FHIT: variants seen among roughly 807,000 people sequenced by gnomAD.
FHIT encodes fragile histidine triad diadenosine triphosphatase.
A neutral mutation model predicts 17.9 loss-of-function variants in FHIT; 19 were observed. The ratio of observed to expected loss-of-function variants is 1.06; its 90% confidence interval spans 0.74 to 1.56. The LOEUF is 1.56. FHIT is among the 40% of genes most tolerant of loss of function. The pLI is 0.00. For synonymous variants in FHIT, 81 were observed against 69.7 expected (o/e 1.16, Z -0.81); for missense variants, 248 against 189.2 (o/e 1.31, Z -1.82).
At position 60,529,583 on chromosome 3, in the gene FHIT, G is replaced by A. The variant is rs541662970; in HGVS notation, c.103+7277C>T. Reference sequence around the variant, plus strand: ...TCTAATTATATTCCTTAGCAAGTGCGATGCCTGCAACACCATGACCAGTCT... The same window carrying A: ...TCTAATTATATTCCTTAGCAAGTGCAATGCCTGCAACACCATGACCAGTCT... On this transcript the variant is annotated intron_variant, in intron 5 of 9. Coordinates refer to ENST00000492590, the MANE Select transcript of FHIT (RefSeq NM_002012.4). Among the ~76,000 whole-genome samples, 755 of 152,160 alleles carry A rather than the reference G, an allele frequency of 5.0e-3. 7 individuals are homozygous for A. Among genetic ancestry groups the A allele is most frequent in the Non-Finnish European group, 7.7e-3 (522 of 67,996 alleles).
intron 4 of FHIT, among the ~76,000 whole-genome samples, chr3:60,585,371 A>G (rs1576925277): frequency 6.6e-6 from 1 of 152,030 alleles, no homozygotes; most frequent in Non-Finnish European, 1.5e-5. Flanking sequence ...ATTTTGTTAG[A>G]GTTTACTGAA....
At chr3:60,391,422 A>G (rs1445258119) in intron 5 of FHIT, among the ~76,000 whole-genome samples, 1 of 152,148 alleles carries the variant, frequency 6.6e-6, no homozygotes, top group East Asian at 1.9e-4. Flanking sequence ...GCCTAAGTGT[A>G]TCATGTTTAT....
At chr3:60,947,798 G>C (rs1553776094) in intron 3 of FHIT, among the ~76,000 whole-genome samples, 1 of 152,116 alleles carries the variant, frequency 6.6e-6, no homozygotes, top group Non-Finnish European at 1.5e-5. Flanking sequence ...CTCAACAGAA[G>C]AATTCCAACT....
intron 4 of FHIT, among the ~76,000 whole-genome samples, chr3:60,608,659 TC>T (rs1475976595): frequency 6.6e-6 from 1 of 152,044 alleles, no homozygotes; most frequent in Non-Finnish European, 1.5e-5. Context: ...TACTGCAAGG[TC>T]CCCCTTCATC....
At chr3:60,713,492 G>T (rs1260978079) in intron 4 of FHIT, among the ~76,000 whole-genome samples, 3 of 149,622 alleles carry the variant, frequency 2.0e-5, no homozygotes, top group Non-Finnish European at 3.0e-5. Flanking sequence ...TCCAGGAGCT[G>T]GTTTTTTGAA....
intron 2 of FHIT, among the ~76,000 whole-genome samples, chr3:61,090,344 TG>T (rs1340276326): frequency 1.3e-5 from 2 of 152,212 alleles, no homozygotes; most frequent in Non-Finnish European, 2.9e-5. Context: ...AAGTTGCTTT[TG>T]TTGTTCATTT....
At chr3:61,050,758 G>A (rs1259253084) in intron 2 of FHIT, among the ~76,000 whole-genome samples, 2 of 152,172 alleles carry the variant, frequency 1.3e-5, no homozygotes, top group African/African-American at 4.8e-5. Flanking sequence ...TTCTACATTT[G>A]TGTATATTTG....
intron 1 of FHIT, among the ~76,000 whole-genome samples, chr3:61,236,749 G>C (rs1249059574): frequency 1.3e-5 from 2 of 152,212 alleles, no homozygotes; most frequent in Admixed American, 1.3e-4. Flanking sequence ...TGTGAAAGCA[G>C]GAAGGGAAAG....
chr3:60,896,246 T>C (rs1705815314), intron 3 of FHIT, among the ~76,000 whole-genome samples: 1 of 152,142 alleles, frequency 6.6e-6, no homozygotes, highest in Non-Finnish European at 1.5e-5. Context: ...GGGACCACTG[T>C]TCTAAGGGCC....
intron 8 of FHIT, among the ~76,000 whole-genome samples, chr3:59,908,926 T>C (rs1292015839): frequency 6.6e-6 from 1 of 151,362 alleles, no homozygotes; most frequent in East Asian, 1.9e-4. Flanking sequence ...ACAGCAAGAG[T>C]TGACTTGGTG....
chr3:60,732,589 G>A, intron 4 of FHIT: 1 of 577,904 alleles, frequency 1.7e-6, no homozygotes, highest in Non-Finnish European at 3.4e-6. Context: ...CGCGGCCCAA[G>A]GGCTCCGTGT....
intron 5 of FHIT, among the ~76,000 whole-genome samples, chr3:60,350,695 T>C (rs1423956374): frequency 6.6e-6 from 1 of 152,060 alleles, no homozygotes; most frequent in East Asian, 1.9e-4. Context: ...CCAAAACCTA[T>C]TTTTTTCTTT....
intron 8 of FHIT, among the ~76,000 whole-genome samples, chr3:59,856,284 C>T (rs2106818853): frequency 1.3e-5 from 2 of 152,118 alleles, no homozygotes; most frequent in Non-Finnish European, 2.9e-5. Context: ...GTTTATATAG[C>T]CCTATGGCTA....
intron 8 of FHIT, among the ~76,000 whole-genome samples, chr3:59,876,452 C>G (rs1450242919): frequency 1.2e-4 from 1 of 8,126 alleles, no homozygotes; most frequent in African/African-American, 1.9e-4. Flanking sequence ...AGTGTGGGAG[C>G]AGCACCCCTC....
chr3:60,219,508 T>A (rs1703860015), intron 5 of FHIT, among the ~76,000 whole-genome samples: 1 of 152,164 alleles, frequency 6.6e-6, no homozygotes, highest in South Asian at 2.1e-4. Context: ...GATTAAAATG[T>A]AAACTTATTA....
intron 5 of FHIT, among the ~76,000 whole-genome samples, chr3:60,267,144 T>C (rs947829221): frequency 1.4e-4 from 21 of 152,046 alleles, no homozygotes; most frequent in African/African-American, 4.6e-4. Context: ...GCAAAATCAA[T>C]AGAAAGAGCT....
chr3:60,652,529 C>T (rs1020129542), intron 4 of FHIT, among the ~76,000 whole-genome samples: 3 of 152,064 alleles, frequency 2.0e-5, no homozygotes, highest in Non-Finnish European at 4.4e-5. Context: ...GTCAGGATAT[C>T]GAGACCATCC....
At chr3:60,355,745 CAAAT>C (rs1559847526) in intron 5 of FHIT, among the ~76,000 whole-genome samples, 1 of 151,468 alleles carries the variant, frequency 6.6e-6, no homozygotes, top group East Asian at 1.9e-4. Context: ...TTTATCTTGA[CAAAT>C]AGATGACAAA....
intron 2 of FHIT, among the ~76,000 whole-genome samples, chr3:61,172,542 T>C (rs2038036331): frequency 6.6e-6 from 1 of 152,186 alleles, no homozygotes; most frequent in Non-Finnish European, 1.5e-5. Context: ...TTGAATTATG[T>C]GATAGTATTA....
Sources: gnomAD v4.1 joint callset for allele counts (sites outside exome capture counted in the v4.1 genomes callset) on GRCh38, gnomAD v4.1.1 for gene constraint, MANE v1.5 for transcripts, NCBI Gene and HGNC (gene_info 2026-07-23, HGNC 2026-07-21) for gene names.